The following ASIC2 variants were observed in gnomAD, a reference collection of about 807,000 sequenced individuals.
ASIC2 encodes acid sensing ion channel subunit 2.
ASIC2 carries 25 observed loss-of-function variants against 57.3 expected under a neutral mutation model. That is an observed-to-expected ratio of 0.44 (90% confidence interval 0.32 to 0.61). ASIC2 has a LOEUF of 0.61. Among genes scored for constraint, ASIC2 ranks in the 20% least tolerant of loss-of-function variants. The pLI is 0.06. For missense variants in ASIC2, 641 were observed against 738.1 expected (o/e 0.87, Z 1.52); for synonymous variants, 319 against 307.5 (o/e 1.04, Z -0.39).
intron 1 of ASIC2, among the ~76,000 whole-genome samples, chr17:34,132,112 C>A (rs1911993122): frequency 6.6e-6 from 1 of 152,196 alleles, no homozygotes. Flanking sequence ...TGGCTAACCT[C>A]AGCTGGGATC....
intron 1 of ASIC2, among the ~76,000 whole-genome samples, chr17:33,602,441 A>G (rs1685368987): frequency 6.6e-6 from 1 of 152,198 alleles, no homozygotes. Context: ...TCTCTCATCC[A>G]TGTGATGCCT....
Position 33,986,296 on chromosome 17 carries a change from A to G in ASIC2, c.555+169682T>C, listed in dbSNP as rs1905815657. ...ATATTTGCTGAATCAGCAATTGGGC[A>G]GATGTCCAAAGTGAAGTTCTTAGTA... On this transcript the variant is annotated intron_variant, in intron 1 of 9. Transcript: ENST00000359872. 2.0e-5 allele frequency among the ~76,000 whole-genome samples: 3 copies of G among 151,606 alleles called. 1 individual carries two copies. The South Asian group carries it at 6.3e-4, about 32-fold the overall frequency.
intron 1 of ASIC2, among the ~76,000 whole-genome samples, chr17:34,124,357 T>A (rs1318015396): frequency 6.6e-6 from 1 of 152,176 alleles, no homozygotes; most frequent in Non-Finnish European, 1.5e-5. Flanking sequence ...AATAGCATTT[T>A]AAAAATTCAA....
intron 1 of ASIC2, among the ~76,000 whole-genome samples, chr17:33,983,058 A>G (rs996820946): frequency 6.6e-6 from 1 of 152,182 alleles, no homozygotes; most frequent in Non-Finnish European, 1.5e-5. Context: ...AAAGAAACCA[A>G]TTAGGAGCTG....
Position 33,291,987 on chromosome 17 carries a change from G to C in ASIC2, c.129C>G (p.Gly43=), listed in dbSNP as rs751213891. ...AAAGQPGGGR[G]GERALQGPGV... ...CTGGCCCCTGCAGCGCCCGCTCGCC[G>C]CCTCTGCCGCCCCCGGGCTGCCCGG... The change falls in exon 1 of 10, where the codon GGC becomes GGG. Residue 43 remains glycine, a synonymous_variant. Coordinates refer to ENST00000225823, the MANE Select transcript of ASIC2 (RefSeq NM_183377.2). 3.1e-6 allele frequency: 4 copies of C among 1,282,056 alleles called. No homozygotes were observed. Among genetic ancestry groups the C allele is most frequent in the Non-Finnish European group, 2.9e-6 (3 of 1,024,206 alleles). 79.4% of individuals were successfully genotyped at this position (1,282,056 alleles called of 1,614,324 possible). A position where few individuals can be genotyped will look rare whatever the true frequency, so the allele number is the denominator to read the frequency against.
intron 1 of ASIC2, among the ~76,000 whole-genome samples, chr17:33,616,619 A>T (rs1045339187): frequency 1.3e-5 from 2 of 152,182 alleles, no homozygotes; most frequent in African/African-American, 4.8e-5. Flanking sequence ...ATAACTGGAC[A>T]TGCTGGATAT....
intron 1 of ASIC2, among the ~76,000 whole-genome samples, chr17:34,089,338 C>G (rs1910239956): frequency 6.6e-6 from 1 of 150,890 alleles, no homozygotes; most frequent in South Asian, 2.1e-4. Flanking sequence ...AAATGGTGAT[C>G]AAAAATGCAA....
At chr17:34,101,098 G>C (rs1005428150) in intron 1 of ASIC2, among the ~76,000 whole-genome samples, 1 of 152,170 alleles carries the variant, frequency 6.6e-6, no homozygotes, top group African/African-American at 2.4e-5. Flanking sequence ...ATCAGCTCTT[G>C]TTACTACTTA....
chr17:33,138,345 C>T (rs1308683659), intron 1 of ASIC2, among the ~76,000 whole-genome samples: 2 of 152,090 alleles, frequency 1.3e-5, no homozygotes, highest in African/African-American at 4.8e-5. Flanking sequence ...CACAGGAACC[C>T]TGAGGATTAT....
intron 1 of ASIC2, among the ~76,000 whole-genome samples, chr17:33,575,783 G>A (rs905444541): frequency 1.3e-5 from 2 of 152,146 alleles, no homozygotes; most frequent in Non-Finnish European, 2.9e-5. Flanking sequence ...ATGGGCAGAG[G>A]GGCAGGCTAT....
chr17:33,332,049 G>A lies in ASIC2; in HGVS notation c.556-219982C>T, dbSNP rs191983335. ...AGCTGATCAATTGGTTCTGATTTTA[G>A]CAGTGAAGGCTAAAAGCTACTGCTT... On this transcript the variant is annotated intron_variant, in intron 1 of 9. Coordinates refer to the ASIC2 transcript ENST00000359872. 3.3e-5 allele frequency among the ~76,000 whole-genome samples: 5 copies of A among 152,322 alleles called. No homozygotes were observed. The East Asian group carries it at 9.6e-4, about 29-fold the overall frequency.
chr17:33,867,148 C>G (rs1355269395), intron 1 of ASIC2, among the ~76,000 whole-genome samples: 2 of 152,056 alleles, frequency 1.3e-5, no homozygotes, highest in African/African-American at 2.4e-5. Flanking sequence ...GAGGAGGGAA[C>G]AAACACTTTC....
intron 1 of ASIC2, chr17:33,827,703 T>A (rs1184302933): frequency 6.6e-6 from 1 of 152,056 alleles, no homozygotes; most frequent in East Asian, 1.9e-4. Flanking sequence ...ACAGTATTTT[T>A]TTTTCCTTTT....
chr17:33,945,593 G>A (rs2141981611), intron 1 of ASIC2, among the ~76,000 whole-genome samples: 1 of 152,252 alleles, frequency 6.6e-6, no homozygotes, highest in African/African-American at 2.4e-5. Context: ...CTAAGATCAA[G>A]AATGCCTTCT....
intron 1 of ASIC2, among the ~76,000 whole-genome samples, chr17:34,011,019 A>AGTCTCTCTCTCTC (rs1491341424): frequency 2.7e-3 from 6 of 2,228 alleles, no homozygotes; most frequent in Admixed American, 4.3e-3. Context: ...CACAGATGCC[A>AGTCTCTCTCTCTC]AAGTCAGACA....
chr17:33,170,050 A>G (rs1372965632), intron 1 of ASIC2, among the ~76,000 whole-genome samples: 2 of 152,200 alleles, frequency 1.3e-5, no homozygotes, highest in African/African-American at 4.8e-5. Context: ...CTGGAAGCTA[A>G]TGATGTGGAA....
intron 1 of ASIC2, among the ~76,000 whole-genome samples, chr17:33,656,130 G>A (rs1186098500): frequency 6.6e-6 from 1 of 152,036 alleles, no homozygotes; most frequent in Non-Finnish European, 1.5e-5. Flanking sequence ...GAAGAAAAAA[G>A]GCTTTATGCT....
At chr17:33,539,006 G>A (rs187421718) in intron 1 of ASIC2, among the ~76,000 whole-genome samples, 2 of 152,318 alleles carry the variant, frequency 1.3e-5, no homozygotes, top group South Asian at 2.1e-4. Flanking sequence ...CTCAGAAGAG[G>A]TTAATGTCCC....
At chr17:33,377,145 G>A (rs1231862084) in intron 1 of ASIC2, among the ~76,000 whole-genome samples, 1 of 152,094 alleles carries the variant, frequency 6.6e-6, no homozygotes, top group Non-Finnish European at 1.5e-5. Context: ...CCTCCTCCTG[G>A]GTTCAAGTGA....
Sources: allele counts gnomAD v4.1 joint callset (sites outside exome capture counted in the v4.1 genomes callset), GRCh38; gene constraint gnomAD v4.1.1; transcripts MANE v1.5; gene names NCBI Gene and HGNC (gene_info 2026-07-23, HGNC 2026-07-21).